RPS6KA6: variants seen among roughly 807,000 people sequenced by gnomAD.
RPS6KA6 encodes ribosomal protein S6 kinase A6.
Under a neutral mutation model 65.4 loss-of-function variants are expected in RPS6KA6, and 27 were observed. That is an observed-to-expected ratio of 0.41 (90% confidence interval 0.30 to 0.57). The LOEUF is 0.57. Ranked by LOEUF, RPS6KA6 falls within the 20% of genes least tolerant of loss-of-function variation. RPS6KA6 has a pLI of 0.24. For synonymous variants in RPS6KA6, 190 were observed against 184.2 expected (o/e 1.03, Z -0.26); for missense variants, 486 against 555.6 (o/e 0.87, Z 1.26).
chrX:84,108,173 C>A lies in RPS6KA6; in HGVS notation c.1009-448G>T, dbSNP rs184159347. ...AAAATTTAGTCGTCTAACAATCTAT[C>A]TTGCTAAAATCTATGCTTTTGAAAG... On this transcript the variant is annotated intron_variant, in intron 12 of 21. Coordinates refer to ENST00000262752, the MANE Select transcript of RPS6KA6 (RefSeq NM_014496.5). Among the ~76,000 whole-genome samples the A allele has an allele frequency of 3.1e-3, 345 of 112,058 alleles. 5 individuals carry two copies. Among genetic ancestry groups the A allele is most frequent in the Middle Eastern group, 9.2e-3 (2 of 218 alleles).
At chrX:84,133,481 T>A (rs1366444669) in intron 8 of RPS6KA6, among the ~76,000 whole-genome samples, 1 of 111,469 alleles carries the variant, frequency 9.0e-6, no homozygotes, top group Non-Finnish European at 1.9e-5. Flanking sequence ...TCCTATCTAT[T>A]CTTCCCTCCT....
At chrX:84,080,233 G>A (rs1164854389) in intron 20 of RPS6KA6, among the ~76,000 whole-genome samples, 1 of 101,705 alleles carries the variant, frequency 9.8e-6, no homozygotes, top group African/African-American at 3.6e-5. Flanking sequence ...AGGCAAACAA[G>A]GTCTGGAGTG....
chrX:84,065,118 T>TA lies in RPS6KA6; in HGVS notation c.1972-8dup, dbSNP rs749332228. 2.1e-5 allele frequency: 24 copies of TA among 1,155,228 alleles called. No individual in the cohort carries two copies. Among genetic ancestry groups the TA allele is most frequent in the Middle Eastern group, 2.4e-4 (1 of 4,165 alleles). On this transcript the variant is annotated splice_region_variant and splice_polypyrimidine_tract_variant and intron_variant, in intron 20 of 21. Coordinates refer to ENST00000262752, the MANE Select transcript of RPS6KA6 (RefSeq NM_014496.5). ...GCATATGGGAAAGCAAATCCTAAAT[T>TA]AAAAAAAATGTGTGTGTATATATAT...
chrX:84,112,995 C>T (rs1301379633), intron 12 of RPS6KA6, among the ~76,000 whole-genome samples: 1 of 111,096 alleles, frequency 9.0e-6, no homozygotes, highest in Non-Finnish European at 1.9e-5. Flanking sequence ...GCAATGAATA[C>T]CACGGAAATA....
At chrX:84,086,087 T>G (rs1196097198) in intron 20 of RPS6KA6, among the ~76,000 whole-genome samples, 1 of 111,533 alleles carries the variant, frequency 9.0e-6, no homozygotes, top group Non-Finnish European at 1.9e-5. Flanking sequence ...GTCTATTTTA[T>G]TAATTTTGTT....
intron 4 of RPS6KA6, 134 bp downstream of exon 4, chrX:84,147,908 C>T (rs904256978): frequency 2.6e-6 from 1 of 384,724 alleles, no homozygotes; most frequent in Non-Finnish European, 4.6e-6. Context: ...ATATTACCTA[C>T]AGGTTAGAAA....
At chrX:84,147,973 T>C (rs1455335866) in intron 4 of RPS6KA6, 69 bp downstream of exon 4, 1 of 626,137 alleles carries the variant, frequency 1.6e-6, no homozygotes, top group Non-Finnish European at 2.5e-6. Flanking sequence ...CTTATGCAAG[T>C]AATACACAGC....
At chrX:84,068,869 G>A (rs2033464477) in intron 20 of RPS6KA6, among the ~76,000 whole-genome samples, 1 of 111,239 alleles carries the variant, frequency 9.0e-6, no homozygotes, top group Non-Finnish European at 1.9e-5. Context: ...GGACATGAAG[G>A]ACCTCTTCAA....
At chrX:84,145,585 G>A (rs757779216) in intron 5 of RPS6KA6, 28 bp from the exon 6 acceptor site, 12 of 866,660 alleles carry the variant, frequency 1.4e-5, no homozygotes, top group Non-Finnish European at 1.9e-5. Context: ...TATAGTAACA[G>A]GATAATCTCA....
chrX:84,171,754 G>C (rs1027155939), intron 1 of RPS6KA6, among the ~76,000 whole-genome samples: 3 of 111,178 alleles, frequency 2.7e-5, no homozygotes, highest in Non-Finnish European at 1.9e-5. Flanking sequence ...ATGGTGGCTT[G>C]CTCCACCTAT....
chrX:84,153,853 C>T (rs1004346188), intron 3 of RPS6KA6, among the ~76,000 whole-genome samples: 12 of 111,499 alleles, frequency 1.1e-4, no homozygotes, highest in African/African-American at 3.9e-4. Context: ...TGATGAACTA[C>T]ATAAAGATCA....
At position 84,062,647 on chromosome X, in the gene RPS6KA6, T is replaced by C. The variant is rs1185241253; in HGVS notation, c.*1630A>G. 9.0e-6 allele frequency: 1 copy of C among 111,552 alleles called. No individual in the cohort carries two copies. The highest frequency in any genetic ancestry group is 1.9e-5 in the Non-Finnish European group (1 of 53,030). 9.2% of individuals were successfully genotyped at this position (111,552 alleles called of 1,213,427 possible). On this transcript the variant is annotated 3_prime_UTR_variant, in exon 22 of 22. Transcript: ENST00000262752. ...CAAAATAAGAATACATACTTTAATA[T>C]ATCACACCCAGGAAACAGATATTTG...
intron 8 of RPS6KA6, among the ~76,000 whole-genome samples, chrX:84,126,314 G>A (rs1452046008): frequency 9.0e-6 from 1 of 111,155 alleles, no homozygotes; most frequent in Non-Finnish European, 1.9e-5. Context: ...AAATATCTGT[G>A]GACCCAAAAC....
intron 8 of RPS6KA6, among the ~76,000 whole-genome samples, chrX:84,134,332 A>G (rs760224989): frequency 1.8e-5 from 2 of 111,599 alleles, no homozygotes; most frequent in Admixed American, 9.5e-5. Context: ...ATAGGTTTTT[A>G]TTTTTCTAGG....
intron 5 of RPS6KA6, 108 bp from the exon 6 acceptor site, chrX:84,145,665 G>T: frequency 5.1e-6 from 2 of 394,447 alleles, no homozygotes; most frequent in East Asian, 4.7e-5. Flanking sequence ...TACTCACATG[G>T]TTCATTAATG....
intron 2 of RPS6KA6, among the ~76,000 whole-genome samples, chrX:84,159,215 C>A (rs1420405544): frequency 9.0e-6 from 1 of 110,560 alleles, no homozygotes; most frequent in Non-Finnish European, 1.9e-5. Context: ...CTGCTCCCTG[C>A]CCCATTCTTG....
At chrX:84,121,589 C>T (rs1051100418) in intron 8 of RPS6KA6, among the ~76,000 whole-genome samples, 6 of 111,995 alleles carry the variant, frequency 5.4e-5, no homozygotes, top group African/African-American at 1.9e-4. Context: ...ATTTAGATCA[C>T]ATATGTCACA....
intron 20 of RPS6KA6, among the ~76,000 whole-genome samples, chrX:84,066,508 A>G (rs1183151551): frequency 1.8e-5 from 2 of 110,410 alleles, no homozygotes; most frequent in Non-Finnish European, 3.8e-5. Flanking sequence ...GGAGGTTTGG[A>G]CTGGGCAGAA....
At chrX:84,100,758 C>T (rs754954376) in intron 18 of RPS6KA6, among the ~76,000 whole-genome samples, 12 of 110,294 alleles carry the variant, frequency 1.1e-4, no homozygotes, top group Non-Finnish European at 1.9e-4. Flanking sequence ...TATGTTGTAA[C>T]AGATAAAAAC....
Sources: allele counts gnomAD v4.1 joint callset (sites outside exome capture counted in the v4.1 genomes callset), GRCh38; gene constraint gnomAD v4.1.1; transcripts MANE v1.5; gene names NCBI Gene and HGNC (gene_info 2026-07-23, HGNC 2026-07-21).